Variants in NLGN1 observed in about 807,000 individuals in gnomAD.
The protein encoded by NLGN1 is neuroligin-1.
Under a neutral mutation model 65.5 loss-of-function variants are expected in NLGN1, and 12 were observed. The ratio of observed to expected loss-of-function variants is 0.18; its 90% CI spans 0.12 to 0.30. The LOEUF is 0.30. Among genes scored for constraint, NLGN1 ranks in the 10% least tolerant of loss-of-function variants. The probability of loss-of-function intolerance (pLI) is 1.00; values close to 1 mark genes in which losing one functional copy is unlikely to be tolerated. For synonymous variants in NLGN1, 350 were observed against 359.5 expected, an observed-to-expected ratio of 0.97 and a Z score of 0.30; for missense variants, 750 against 1,007.1, an observed-to-expected ratio of 0.74 and a Z score of 3.46.
chr3:173,893,413 G>A (rs559712781), intron 4 of NLGN1, among the ~76,000 whole-genome samples: 1 of 152,080 alleles, frequency 6.6e-6, no homozygotes, highest in African/African-American at 2.4e-5. Context: ...TAAAATGGTT[G>A]TATCAATCAT....
chr3:173,762,872 T>G (rs1292489888), intron 3 of NLGN1, among the ~76,000 whole-genome samples: 1 of 151,628 alleles, frequency 6.6e-6, no homozygotes, highest in African/African-American at 2.4e-5. Flanking sequence ...AAACAGAAGT[T>G]CCAAATGCTA....
At chr3:173,807,829 C>A (rs1317622035) in exon 4 of NLGN1, 2 of 1,612,690 alleles carry the variant, frequency 1.2e-6, no homozygotes, top group Non-Finnish European at 1.7e-6. Context: ...ACTTGGAGTA[C>A]TCGGTAAGAA....
At chr3:173,564,986 C>T (rs962857978) in intron 2 of NLGN1, among the ~76,000 whole-genome samples, 1 of 152,166 alleles carries the variant, frequency 6.6e-6, no homozygotes, top group Non-Finnish European at 1.5e-5. Context: ...GGAGCTTATA[C>T]TCTAGAAGTT....
chr3:173,437,818 C>T (rs900003449), intron 2 of NLGN1, among the ~76,000 whole-genome samples: 1 of 151,980 alleles, frequency 6.6e-6, no homozygotes, highest in African/African-American at 2.4e-5. Context: ...CACACACACA[C>T]GTGCTGTATT....
At chr3:174,196,354 C>G (rs1051369478) in intron 4 of NLGN1, among the ~76,000 whole-genome samples, 2 of 152,004 alleles carry the variant, frequency 1.3e-5, no homozygotes, top group African/African-American at 4.8e-5. Flanking sequence ...GATCAAATTT[C>G]CCAAGCTCTC....
chr3:174,028,538 A>G (rs1729298095), intron 4 of NLGN1, among the ~76,000 whole-genome samples: 1 of 152,222 alleles, frequency 6.6e-6, no homozygotes, highest in South Asian at 2.1e-4. Flanking sequence ...AGAAATTTCT[A>G]AGCAACAAAG....
chr3:173,767,427 G>A (rs928774119), intron 3 of NLGN1, among the ~76,000 whole-genome samples: 13 of 152,064 alleles, frequency 8.5e-5, no homozygotes, highest in African/African-American at 3.1e-4. Flanking sequence ...GAGGATATTG[G>A]CCAAACTCTT....
intron 2 of NLGN1, among the ~76,000 whole-genome samples, chr3:173,539,721 T>TATATAACATATAC (rs1738334707): frequency 2.3e-5 from 3 of 128,872 alleles, no homozygotes; most frequent in African/African-American, 9.6e-5. Context: ...TATATGTACA[T>TATATAACATATAC]ATGCACATAT....
intron 4 of NLGN1, among the ~76,000 whole-genome samples, chr3:173,987,160 A>G (rs571666497): frequency 7.2e-5 from 11 of 152,186 alleles, no homozygotes; most frequent in Non-Finnish European, 1.2e-4. Context: ...CTTCCCTGAA[A>G]TTACTGCTAC....
At chr3:173,417,579 T>C (rs1714056596) in intron 1 of NLGN1, among the ~76,000 whole-genome samples, 1 of 151,918 alleles carries the variant, frequency 6.6e-6, no homozygotes, top group Non-Finnish European at 1.5e-5. Context: ...CAGACACTAA[T>C]AGGAATTATT....
chr3:174,099,010 T>A (rs1561038313), intron 4 of NLGN1, among the ~76,000 whole-genome samples: 1 of 152,302 alleles, frequency 6.6e-6, no homozygotes, highest in African/African-American at 2.4e-5. Flanking sequence ...ATCAACTAAG[T>A]TGGGCTCCCT....
intron 3 of NLGN1, among the ~76,000 whole-genome samples, chr3:173,802,737 T>C (rs1449474625): frequency 1.3e-5 from 2 of 152,060 alleles, no homozygotes; most frequent in Non-Finnish European, 2.9e-5. Context: ...CCCCACCCAG[T>C]TCCCCTCCAC....
intron 1 of NLGN1, among the ~76,000 whole-genome samples, chr3:173,428,733 A>G (rs1397939395): frequency 6.6e-6 from 1 of 151,766 alleles, no homozygotes; most frequent in Non-Finnish European, 1.5e-5. Context: ...TGCCTTTTCC[A>G]TTGTTTTATA....
chr3:173,531,680 A>G (rs1259908757), intron 2 of NLGN1, among the ~76,000 whole-genome samples: 2 of 152,072 alleles, frequency 1.3e-5, no homozygotes, highest in African/African-American at 4.8e-5. Flanking sequence ...CATGCTTTAT[A>G]TTCAAAGTTA....
At chr3:173,695,434 C>T (rs1032900098) in intron 3 of NLGN1, 1 of 170,156 alleles carries the variant, frequency 5.9e-6, no homozygotes, top group African/African-American at 2.4e-5. Flanking sequence ...AGTGCATCCA[C>T]AAGGATATAT....
chr3:173,892,612 A>G (rs1185941472), intron 4 of NLGN1, among the ~76,000 whole-genome samples: 2 of 151,988 alleles, frequency 1.3e-5, no homozygotes, highest in Admixed American at 1.3e-4. Context: ...GAAATGAGGA[A>G]TAAGAGATTA....
At position 173,495,188 on chromosome 3, in the gene NLGN1, G is replaced by T. The variant is rs111448052; in HGVS notation, c.-321+60110G>T. On this transcript the variant is annotated intron_variant, in intron 2 of 6. Transcript: ENST00000457714. ...CTCAGCAATGCTTTTATCATTTTCA[G>T]TTTATAGGTCTTACATACCTTTGAC... 8.4e-3 allele frequency among the ~76,000 whole-genome samples: 1,269 copies of T among 151,610 alleles called. 58 individuals carry two copies. The highest frequency in any genetic ancestry group is 0.03 in the African/African-American group (1,226 of 41,172).
intron 4 of NLGN1, among the ~76,000 whole-genome samples, chr3:173,813,258 T>C (rs1560423374): frequency 6.6e-6 from 1 of 152,182 alleles, no homozygotes; most frequent in Non-Finnish European, 1.5e-5. Flanking sequence ...TTGTTTTTGT[T>C]TCTGTCTGAC....
At chr3:173,770,626 G>A (rs897453228) in intron 3 of NLGN1, among the ~76,000 whole-genome samples, 9 of 152,044 alleles carry the variant, frequency 5.9e-5, no homozygotes, top group Admixed American at 3.9e-4. Flanking sequence ...ATGATAAAAA[G>A]AATAGATTTT....
Sources: allele counts gnomAD v4.1 joint callset (sites outside exome capture counted in the v4.1 genomes callset), GRCh38; gene constraint gnomAD v4.1.1; transcripts MANE v1.5; gene names NCBI Gene and HGNC (gene_info 2026-07-23, HGNC 2026-07-21).